Variants in MGAM observed in about 807,000 individuals in gnomAD.
MGAM encodes maltase-glucoamylase.
A neutral mutation model predicts 358.8 loss-of-function variants in MGAM; 253 were observed. The ratio of observed to expected loss-of-function variants is 0.71; its 90% CI spans 0.64 to 0.78. MGAM has a LOEUF of 0.78. MGAM is among the 30% of genes least tolerant of loss of function. MGAM has a pLI of 0.00. For synonymous variants in MGAM, 1,105 were observed against 1,227.1 expected (o/e 0.90, Z 2.08); for missense variants, 3,080 against 3,432.6 (o/e 0.90, Z 2.57).
rs2961081 is a variant in MGAM, at chr7:142,055,995, C to T, written c.3484-5C>T. On this transcript the variant is annotated splice_polypyrimidine_tract_variant and splice_region_variant and intron_variant, in intron 28 of 70. Transcript: ENST00000475668. ...CTCCTACTGCTTCTTCCCATGACTC[C>T]CCAGTACAAGAAGAATTCCTATGGT... The T allele has an allele frequency of 0.54, 862,181 of 1,604,780 alleles. 235,145 individuals are homozygous for T. The highest frequency in any genetic ancestry group is 0.63 in the Admixed American group (36,977 of 58,768).
At chr7:141,994,912 C>T (rs1554448147), upstream of MGAM, among the ~76,000 whole-genome samples, 1 of 152,192 alleles carries the variant, frequency 6.6e-6, no homozygotes, top group Non-Finnish European at 1.5e-5. Context: ...ATTACCCAGT[C>T]TCAGGCATGT....
chr7:142,049,945 G>A (rs1328589688), intron 22 of MGAM, among the ~76,000 whole-genome samples: 1 of 152,114 alleles, frequency 6.6e-6, no homozygotes, highest in African/African-American at 2.4e-5. Context: ...CCACTTCTGG[G>A]TGTATATCCA....
At position 142,063,518 on chromosome 7, in the gene MGAM, G is replaced by C. The variant is rs770850136; in HGVS notation, c.4277G>C (p.Ser1426Thr). ...TTCTAGGATATGAATGAACCATCAA[G>C]CTTCGTGAATGGGGCAGTTTCTCCA... ...GMWIDMNEPS[S>T]FVNGAVSPGC... Residue 1426 changes from serine (S) to threonine (T), a missense_variant, in exon 36 of 71, where the codon AGC (serine) becomes ACC (threonine). This residue lies in a region of MGAM where 1,816 missense variants were observed against 1,840.5 expected (regional missense o/e 0.99). Coordinates refer to ENST00000475668, the MANE Select transcript of MGAM (RefSeq NM_001365693.1). 2.4e-5 allele frequency: 39 copies of C among 1,613,624 alleles called. No homozygotes were observed. The highest frequency in any genetic ancestry group is 3.2e-5 in the Non-Finnish European group (38 of 1,179,804).
In MGAM at chr7:142,054,873, G is replaced by C; in HGVS notation, c.3279G>C (p.Gly1093=). The change falls in exon 27 of 71, where the codon GGG becomes GGC. Residue 1093 remains glycine, a synonymous_variant. Transcript: ENST00000475668. The stretch of plus-strand genomic sequence containing the variant: ...TGCTCATTAAGAAGAATCCATTTGG[G>C]ATTGAAATTCGCCGGAAGAGTACAG... ...YDVLIKKNPF[G]IEIRRKSTGT... is the part of the protein sequence containing the mutation. The C allele has an allele frequency of 6.2e-7, 1 of 1,613,892 alleles. No homozygotes were observed. Among genetic ancestry groups the C allele is most frequent in the South Asian group, 1.1e-5 (1 of 91,070 alleles).
At chr7:142,025,689 A>C (rs1806903094) in intron 8 of MGAM, among the ~76,000 whole-genome samples, 1 of 152,216 alleles carries the variant, frequency 6.6e-6, no homozygotes, top group South Asian at 2.1e-4. Flanking sequence ...AATGGCGAGT[A>C]AGCAATGCTG....
chr7:142,018,096 A>G (rs782421609), intron 3 of MGAM, among the ~76,000 whole-genome samples: 1 of 152,132 alleles, frequency 6.6e-6, no homozygotes, highest in Non-Finnish European at 1.5e-5. Flanking sequence ...TATGACAAAT[A>G]TTTTCTCACA....
Position 142,062,653 on chromosome 7 carries a change from A to G in MGAM, c.4208A>G (p.Asn1403Ser). 8.7e-6 allele frequency: 14 copies of G among 1,612,508 alleles called. No individual in the cohort carries two copies. Among genetic ancestry groups the G allele is most frequent in the Admixed American group, 1.7e-5 (1 of 59,868 alleles). The change falls in exon 35 of 71, where the codon AAC becomes AGC. Residue 1403 changes from asparagine (N) to serine (S), a missense_variant. Asn to Ser is a conservative substitution (Grantham distance 46). This residue lies in a region of MGAM where 1,816 missense variants were observed against 1,840.5 expected (regional missense o/e 0.99). Coordinates refer to ENST00000475668, the MANE Select transcript of MGAM (RefSeq NM_001365693.1). Reference protein sequence around the residue: ...WWKREIEELYNNPQNPERSLK... With the variant: ...WWKREIEELYSNPQNPERSLK... ...AAGAGGGAAATAGAAGAACTATACA[A>G]CAATCCACAGAATCCAGAGAGGAGC...
Position 142,059,468 on chromosome 7 carries a change from G to C in MGAM, c.3820-4G>C, listed in dbSNP as rs116359955. 59 of 1,605,600 alleles carry C rather than the reference G, an allele frequency of 3.7e-5. No homozygotes were observed. Among genetic ancestry groups the C allele is most frequent in the Non-Finnish European group, 4.3e-5 (51 of 1,174,732 alleles). On this transcript the variant is annotated splice_polypyrimidine_tract_variant and splice_region_variant and intron_variant, in intron 31 of 70. Transcript: ENST00000475668. ...GCCTCTCAGCTCCCCATGTCCTCCC[G>C]CAGGATGTGCAGTACTCAGACATCG... is the stretch of plus-strand genomic sequence containing the variant.
intron 21 of MGAM, among the ~76,000 whole-genome samples, chr7:142,042,031 TTATATACATATA>T (rs1808815252): frequency 1.1e-4 from 1 of 8,916 alleles, no homozygotes; most frequent in African/African-American, 8.0e-4. Context: ...ATATATTATA[TTATATACATATA>T]ATATATAATA....
Position 142,034,799 on chromosome 7 carries a change from C to A in MGAM, c.1917C>A (p.Ser639=), listed in dbSNP as rs2129006709. ...CCACCTGGGATGACCTGAGATGGTC[C>A]ATCCCTGGCGTGCTTGAGTTCAACC... ...NTATWDDLRW[S]IPGVLEFNLF... Residue 639 remains serine, a synonymous_variant, in exon 16 of 71, where the codon TCC becomes TCA. Transcript: ENST00000475668. 6.2e-7 allele frequency: 1 copy of A among 1,613,426 alleles called. No individual in the cohort carries two copies. The highest frequency in any genetic ancestry group is 2.2e-5 in the East Asian group (1 of 44,836).
At chr7:142,041,271 TAA>T (rs1808504385) in intron 21 of MGAM, among the ~76,000 whole-genome samples, 1 of 152,146 alleles carries the variant, frequency 6.6e-6, no homozygotes, top group Non-Finnish European at 1.5e-5. Context: ...CCATCTGTAC[TAA>T]AGAGGTGCAC....
At chr7:141,990,349 C>T (rs1405677542) in intron 2 of MGAM, among the ~76,000 whole-genome samples, 2 of 152,172 alleles carry the variant, frequency 1.3e-5, no homozygotes, top group Non-Finnish European at 1.5e-5. Flanking sequence ...TTCCAGAGTC[C>T]CCTGTGGATA....
chr7:142,101,551 TAGAC>T (rs2129066674), intron 68 of MGAM, among the ~76,000 whole-genome samples: 1 of 152,096 alleles, frequency 6.6e-6, no homozygotes, highest in South Asian at 2.1e-4. Flanking sequence ...ACTGCTATCT[TAGAC>T]AGCACAGTTC....
intron 18 of MGAM, among the ~76,000 whole-genome samples, chr7:142,038,169 A>T (rs575553656): frequency 6.6e-6 from 1 of 152,196 alleles, no homozygotes; most frequent in Admixed American, 6.5e-5. Flanking sequence ...TATATGCCTG[A>T]CTTATTTCAT....
chr7:141,991,027 G>C (rs1803921984), upstream of MGAM, among the ~76,000 whole-genome samples: 1 of 152,292 alleles, frequency 6.6e-6, no homozygotes, highest in South Asian at 2.1e-4. Flanking sequence ...TTCAGTGCAG[G>C]CTTGACCAGA....
chr7:142,087,126 A>C lies in MGAM; in HGVS notation c.6810+409A>C, dbSNP rs537736569. On this transcript the variant is annotated intron_variant, in intron 57 of 70. Transcript: ENST00000475668. The stretch of plus-strand genomic sequence containing the variant: ...GTTATCCCTTTTAAACAGTCTTCTA[A>C]CCTCAAAGACTGTTTAGGTCTTTTT... Among the ~76,000 whole-genome samples, 43 of 143,124 alleles carry C rather than the reference A, an allele frequency of 3.0e-4. 4 individuals are homozygous for C. Among genetic ancestry groups the C allele is most frequent in the Middle Eastern group, 3.6e-3 (1 of 274 alleles). 93.9% of individuals were successfully genotyped at this position (143,124 alleles called of 152,430 possible).
intron 4 of MGAM, among the ~76,000 whole-genome samples, chr7:142,019,994 A>G (rs1221023787): frequency 2.6e-5 from 4 of 151,812 alleles, no homozygotes; most frequent in Admixed American, 1.3e-4. Context: ...GCCTGAACCC[A>G]GGAGGCAGAG....
intron 33 of MGAM, 149 bp from the exon 34 acceptor site, chr7:142,060,162 A>G: frequency 7.7e-7 from 1 of 1,303,074 alleles, no homozygotes; most frequent in Non-Finnish European, 1.1e-6. Flanking sequence ...GTAACGTGTT[A>G]TGGAGTTCAC....
At chr7:142,068,366 GA>G (rs1327695582) in intron 42 of MGAM, among the ~76,000 whole-genome samples, 1 of 144,230 alleles carries the variant, frequency 6.9e-6, no homozygotes, top group Non-Finnish European at 1.6e-5. Flanking sequence ...GTCTCTTTAA[GA>G]GTCAAAGGGG....
Sources: gnomAD v4.1 joint callset for allele counts (sites outside exome capture counted in the v4.1 genomes callset) on GRCh38, gnomAD v4.1.1 for gene constraint, gnomAD v4.1.1 regional missense constraint, MANE v1.5 for transcripts, NCBI Gene and HGNC (gene_info 2026-07-23, HGNC 2026-07-21) for gene names.